The following MCPH1 variants were observed in gnomAD, a reference collection of about 807,000 sequenced individuals.
The protein encoded by MCPH1 is microcephalin.
In MCPH1, 104 loss-of-function variants were observed where a neutral mutation model predicts 84.5. That is an observed-to-expected ratio of 1.23 (90% CI 1.05 to 1.45). The LOEUF (loss-of-function observed/expected upper bound fraction) is 1.45. MCPH1 is among the 40% of genes most tolerant of loss of function. MCPH1 has a pLI of 0.00. For synonymous variants in MCPH1, 514 were observed against 366.8 expected (o/e 1.40, Z -4.58); for missense variants, 1,498 against 1,005.7 (o/e 1.49, Z -6.62).
At chr8:6,502,376 A>G (rs1812357257) in intron 12 of MCPH1, 2 of 152,234 alleles carry the variant, frequency 1.3e-5, no homozygotes, top group South Asian at 4.1e-4. Flanking sequence ...CGGTCTGCAT[A>G]TAAACTAAAA....
At chr8:6,458,149 G>A (rs996751657) in intron 9 of MCPH1, among the ~76,000 whole-genome samples, 11 of 152,098 alleles carry the variant, frequency 7.2e-5, no homozygotes, top group African/African-American at 2.7e-4. Context: ...TTCATTTTTA[G>A]ACTCTAAAAT....
In MCPH1 at chr8:6,509,074, C is replaced by A; in HGVS notation, c.2214+9145C>A. The A allele has an allele frequency of 3.7e-6, 6 of 1,600,368 alleles. No individual in the cohort carries two copies. In the Admixed American group the frequency reaches 5.3e-5, roughly 14 times the overall value. On this transcript the variant is annotated intron_variant, in intron 12 of 13. Transcript: ENST00000344683. ...CTTTAAGGTGAATCCTGTAAGCGTGCAAAGAAAAAAAACACATTGGCTAGG... is the reference window on the plus strand; with the variant it reads ...CTTTAAGGTGAATCCTGTAAGCGTGAAAAGAAAAAAAACACATTGGCTAGG...
At chr8:6,485,740 CTGTT>C (rs1472095215) in intron 11 of MCPH1, among the ~76,000 whole-genome samples, 3 of 152,096 alleles carry the variant, frequency 2.0e-5, no homozygotes, top group African/African-American at 4.8e-5. Flanking sequence ...GGTGAAATAT[CTGTT>C]TGTGTGATTA....
At chr8:6,415,619 G>C (rs1039308961) in intron 3 of MCPH1, among the ~76,000 whole-genome samples, 3 of 152,156 alleles carry the variant, frequency 2.0e-5, no homozygotes. Context: ...CTCCCAAAGT[G>C]CTAGGATTAC....
intron 3 of MCPH1, among the ~76,000 whole-genome samples, chr8:6,425,212 G>T (rs907976208): frequency 2.6e-5 from 4 of 152,206 alleles, no homozygotes; most frequent in Non-Finnish European, 4.4e-5. Flanking sequence ...TTTGATTTCT[G>T]TTGGCTCTGA....
intron 12 of MCPH1, among the ~76,000 whole-genome samples, chr8:6,559,743 T>G (rs1825228804): frequency 6.6e-6 from 1 of 152,238 alleles, no homozygotes; most frequent in African/African-American, 2.4e-5. Flanking sequence ...TGAGTTTTTA[T>G]AAAGTGTGTT....
chr8:6,461,731 A>G (rs1806320425), intron 9 of MCPH1, among the ~76,000 whole-genome samples: 1 of 152,150 alleles, frequency 6.6e-6, no homozygotes, highest in African/African-American at 2.4e-5. Flanking sequence ...ATTGATAGTT[A>G]TACATCTTTT....
chr8:6,554,005 A>G (rs10103026), intron 12 of MCPH1, among the ~76,000 whole-genome samples: 1 of 151,682 alleles, frequency 6.6e-6, no homozygotes, highest in Non-Finnish European at 1.5e-5. Context: ...AGACGAGCGC[A>G]CAACTCAGGT....
chr8:6,523,170 T>C (rs959873392), intron 12 of MCPH1, among the ~76,000 whole-genome samples: 2 of 152,086 alleles, frequency 1.3e-5, no homozygotes, highest in Non-Finnish European at 2.9e-5. Flanking sequence ...GCTAACTTTT[T>C]GTATTTTTAG....
intron 11 of MCPH1, among the ~76,000 whole-genome samples, chr8:6,496,897 C>G (rs2129561839): frequency 6.6e-6 from 1 of 152,236 alleles, no homozygotes; most frequent in African/African-American, 2.4e-5. Context: ...CCCCAGTTTT[C>G]TCTCATCACT....
intron 13 of MCPH1, among the ~76,000 whole-genome samples, chr8:6,623,125 T>A (rs1217244291): frequency 6.6e-6 from 1 of 150,960 alleles, no homozygotes; most frequent in Non-Finnish European, 1.5e-5. Context: ...AGTGCTGGGA[T>A]TACAGGTGTG....
chr8:6,544,502 C>G (rs1477776858), intron 12 of MCPH1, among the ~76,000 whole-genome samples: 1 of 152,096 alleles, frequency 6.6e-6, no homozygotes, highest in Non-Finnish European at 1.5e-5. Flanking sequence ...CTGTTTTTTA[C>G]AAAATACCAG....
intron 12 of MCPH1, among the ~76,000 whole-genome samples, chr8:6,576,917 C>T (rs1022593394): frequency 6.6e-6 from 1 of 151,914 alleles, no homozygotes; most frequent in Non-Finnish European, 1.5e-5. Flanking sequence ...CGCCCCTGCT[C>T]AGATAAAAGC....
chr8:6,529,535 T>A (rs988342280), intron 12 of MCPH1, among the ~76,000 whole-genome samples: 1 of 150,916 alleles, frequency 6.6e-6, no homozygotes, highest in Non-Finnish European at 1.5e-5. Context: ...CACTACAGAC[T>A]CTGCCTCCCA....
rs978844677 is a variant in MCPH1 at position 6,409,519 on chromosome 8, G to A, written c.114+149G>A. The A allele has an allele frequency of 2.3e-5, 16 of 692,546 alleles. No homozygotes were observed. In the African/African-American group the frequency reaches 2.7e-4, roughly 12 times the overall value. 42.9% of individuals were successfully genotyped at this position (692,546 alleles called of 1,614,324 possible). On this transcript the variant is annotated intron_variant, in intron 2 of 13. Transcript: ENST00000344683. Reference sequence around the variant, plus strand: ...GGAGAAAAAAGAGCCAAAGTGTGAAGAATTTAGAACAGTAGGACTTTCAGA... The same window carrying A: ...GGAGAAAAAAGAGCCAAAGTGTGAAAAATTTAGAACAGTAGGACTTTCAGA...
At chr8:6,623,688 C>CAA (rs377522481) in intron 13 of MCPH1, among the ~76,000 whole-genome samples, 6,692 of 91,776 alleles carry the variant, frequency 0.073, 1,535 homozygotes, top group Non-Finnish European at 0.088. Flanking sequence ...AACCAACTTC[C>CAA]AAAAAAAAAA....
chr8:6,552,632 G>A (rs1389100640), intron 12 of MCPH1, among the ~76,000 whole-genome samples: 1 of 152,122 alleles, frequency 6.6e-6, no homozygotes, highest in East Asian at 1.9e-4. Flanking sequence ...CTGCAATTGT[G>A]TAGCATCTTA....
At chr8:6,640,121 C>CGT (rs760065871) in intron 13 of MCPH1, among the ~76,000 whole-genome samples, 43 of 122,266 alleles carry the variant, frequency 3.5e-4, no homozygotes, top group East Asian at 1.6e-3. Flanking sequence ...TGTGTGTGTG[C>CGT]GTGTGTGTGT....
intron 12 of MCPH1, among the ~76,000 whole-genome samples, chr8:6,568,759 C>G (rs1382716984): frequency 1.3e-5 from 2 of 152,228 alleles, no homozygotes; most frequent in Non-Finnish European, 2.9e-5. Flanking sequence ...GAGACTGTCT[C>G]CCGCCTGCCG....
Sources: gnomAD v4.1 joint callset for allele counts (sites outside exome capture counted in the v4.1 genomes callset) on GRCh38, gnomAD v4.1.1 for gene constraint, MANE v1.5 for transcripts, NCBI Gene and HGNC (gene_info 2026-07-23, HGNC 2026-07-21) for gene names.